Variants in CFAP61 observed in about 807,000 individuals in gnomAD.
CFAP61 encodes cilia- and flagella-associated protein 61.
Under a neutral mutation model 135.6 loss-of-function variants are expected in CFAP61, and 107 were observed. That is an observed-to-expected ratio of 0.79 (90% CI 0.67 to 0.93). The LOEUF (loss-of-function observed/expected upper bound fraction) is 0.93, where lower values mean the gene tolerates loss of function less well. Ranked by LOEUF, CFAP61 falls within the 40% of genes least tolerant of loss-of-function variation. The pLI is 0.00. For missense variants in CFAP61, 1,507 were observed against 1,556.2 expected (o/e 0.97, Z 0.53); for synonymous variants, 575 against 578.5 (o/e 0.99, Z 0.09).
Position 20,347,959 on chromosome 20 carries a change from A to C in CFAP61, c.3513+6038A>C, listed in dbSNP as rs559505028. 2.9e-3 allele frequency among the ~76,000 whole-genome samples: 438 copies of C among 151,072 alleles called. 4 individuals carry two copies. The highest frequency in any genetic ancestry group is 0.01 in the African/African-American group (420 of 41,270). On this transcript the variant is annotated intron_variant, in intron 26 of 26. Coordinates refer to ENST00000245957, the MANE Select transcript of CFAP61 (RefSeq NM_015585.4). ...AAAAAAAAAAAAAAAAAAAATGAAC[A>C]AACTAAAAACTGACACAAGAAGAAA...
At chr20:20,102,237 C>A (rs2048078917) in intron 8 of CFAP61, among the ~76,000 whole-genome samples, 1 of 152,200 alleles carries the variant, frequency 6.6e-6, no homozygotes, top group Non-Finnish European at 1.5e-5. Flanking sequence ...GTAACTGAAT[C>A]TTTAACTTAA....
intron 21 of CFAP61, among the ~76,000 whole-genome samples, chr20:20,274,053 A>G (rs2053561715): frequency 6.6e-6 from 1 of 152,226 alleles, no homozygotes; most frequent in Admixed American, 6.5e-5. Flanking sequence ...CCCAAAATAT[A>G]AGACTTTGGT....
chr20:20,224,397 G>A (rs2048591511), intron 17 of CFAP61, among the ~76,000 whole-genome samples: 1 of 152,076 alleles, frequency 6.6e-6, no homozygotes, highest in African/African-American at 2.4e-5. Flanking sequence ...CCTAACAGGA[G>A]TATCAAATAC....
intron 8 of CFAP61, among the ~76,000 whole-genome samples, chr20:20,127,949 T>C (rs1249241090): frequency 6.6e-6 from 1 of 151,504 alleles, no homozygotes; most frequent in Non-Finnish European, 1.5e-5. Context: ...TGGTGAGTCA[T>C]GCAGGTTGTC....
chr20:20,087,275 A>T (rs2046874453), intron 6 of CFAP61, among the ~76,000 whole-genome samples: 1 of 152,142 alleles, frequency 6.6e-6, no homozygotes, highest in Non-Finnish European at 1.5e-5. Context: ...TTTTCAACCC[A>T]TACCCTGCTC....
chr20:20,326,561 T>A (rs945103430), intron 25 of CFAP61, among the ~76,000 whole-genome samples: 2 of 152,186 alleles, frequency 1.3e-5, no homozygotes, highest in African/African-American at 4.8e-5. Flanking sequence ...TGTTTCCAAG[T>A]GTAGAGATAA....
At chr20:20,091,676 T>G (rs2047211004) in intron 7 of CFAP61, among the ~76,000 whole-genome samples, 1 of 152,052 alleles carries the variant, frequency 6.6e-6, no homozygotes, top group African/African-American at 2.4e-5. Context: ...CTGTAATTAT[T>G]ATTATTATTA....
At chr20:20,158,527 G>A (rs1467998427) in intron 9 of CFAP61, among the ~76,000 whole-genome samples, 6 of 152,160 alleles carry the variant, frequency 3.9e-5, no homozygotes, top group Non-Finnish European at 8.8e-5. Context: ...GTGAGGATGT[G>A]TAAGTGCATC....
At chr20:20,274,815 CATT>C (rs1274056206) in intron 21 of CFAP61, among the ~76,000 whole-genome samples, 1 of 152,092 alleles carries the variant, frequency 6.6e-6, no homozygotes, top group Non-Finnish European at 1.5e-5. Context: ...TTTAATATAA[CATT>C]ATATTATCAC....
chr20:20,350,959 A>G (rs1188845671), intron 26 of CFAP61, among the ~76,000 whole-genome samples: 3 of 152,214 alleles, frequency 2.0e-5, no homozygotes, highest in Non-Finnish European at 4.4e-5. Context: ...ATGTTCCTGA[A>G]CACAATAAAG....
chr20:20,058,193 A>C (rs947949018), intron 2 of CFAP61, among the ~76,000 whole-genome samples: 1 of 152,188 alleles, frequency 6.6e-6, no homozygotes, highest in Admixed American at 6.5e-5. Flanking sequence ...AATTGGCACA[A>C]TTTTACTAGA....
intron 20 of CFAP61, among the ~76,000 whole-genome samples, chr20:20,254,673 T>C (rs2051374432): frequency 6.6e-6 from 1 of 152,132 alleles, no homozygotes; most frequent in Admixed American, 6.5e-5. Flanking sequence ...TCTTCAACTC[T>C]CTCCTGGTTT....
chr20:20,206,127 C>T (rs78560860), intron 17 of CFAP61, among the ~76,000 whole-genome samples: 6,202 of 152,248 alleles, frequency 0.041, 163 homozygotes, highest in Middle Eastern at 0.11. Flanking sequence ...AGAGAAGAAA[C>T]TGGGAAGAGT....
chr20:20,194,932 T>G (rs1003070121), intron 15 of CFAP61, among the ~76,000 whole-genome samples: 1 of 152,238 alleles, frequency 6.6e-6, no homozygotes, highest in African/African-American at 2.4e-5. Context: ...GAAAATTAGA[T>G]GCACATGGCC....
intron 13 of CFAP61, among the ~76,000 whole-genome samples, chr20:20,171,465 G>GT (rs1971192246): frequency 6.6e-6 from 1 of 152,200 alleles, no homozygotes; most frequent in Non-Finnish European, 1.5e-5. Flanking sequence ...CCACTAACCT[G>GT]TAAGTGAAGT....
At position 20,142,910 on chromosome 20, in the gene CFAP61, C is replaced by T. The variant is rs2051529790; in HGVS notation, c.913C>T (p.Gln305Ter). The change falls in exon 9 of 27, where the codon CAG (glutamine) becomes TAG (stop). Residue 305 changes from glutamine (Q) to a stop codon, truncating the protein, a stop_gained. Transcript: ENST00000245957. LOFTEE classifies it high-confidence loss of function. ...QGSQKIVEEL[Q>*]EPVSPDTMEN... ...TTCCCAAAAAATAGTCGAGGAGTTG[C>T]AGGAACCTGTCTCTCCAGATACCAT... is the stretch of plus-strand genomic sequence containing the variant. 6.2e-7 allele frequency: 1 copy of T among 1,602,122 alleles called. No homozygotes were observed. Among genetic ancestry groups the T allele is most frequent in the Non-Finnish European group, 8.5e-7 (1 of 1,173,490 alleles).
rs991638511 is a variant in CFAP61 at position 20,097,033 on chromosome 20, G to A, written c.700-1622G>A. Among the ~76,000 whole-genome samples the A allele has an allele frequency of 4.6e-5, 7 of 151,526 alleles. No individual in the cohort carries two copies. In the South Asian group the frequency reaches 6.3e-4, roughly 14 times the overall value. On this transcript the variant is annotated intron_variant, in intron 7 of 26. Coordinates refer to ENST00000245957, the MANE Select transcript of CFAP61 (RefSeq NM_015585.4). ...GGTCTCACTTTTATTTTGCAAACAC[G>A]TTTGAGAACAAATGATTTTTAACTG...
At chr20:20,260,211 G>A (rs2052045367) in intron 20 of CFAP61, among the ~76,000 whole-genome samples, 1 of 152,184 alleles carries the variant, frequency 6.6e-6, no homozygotes, top group Admixed American at 6.5e-5. Flanking sequence ...CATTCAGAAA[G>A]GAAGCTTCTT....
chr20:20,132,436 A>G (rs1160580466), intron 8 of CFAP61, among the ~76,000 whole-genome samples: 1 of 152,118 alleles, frequency 6.6e-6, no homozygotes, highest in African/African-American at 2.4e-5. Context: ...TTTGTTAAGC[A>G]TATGTTCCAT....
Sources: gnomAD v4.1 joint callset for allele counts (sites outside exome capture counted in the v4.1 genomes callset) on GRCh38, gnomAD v4.1.1 for gene constraint, MANE v1.5 for transcripts, NCBI Gene and HGNC (gene_info 2026-07-23, HGNC 2026-07-21) for gene names.